The following CAMTA1 variants were observed in gnomAD, a reference collection of about 807,000 sequenced individuals.
The protein encoded by CAMTA1 is calmodulin-binding transcription activator 1.
A neutral mutation model predicts 170.9 loss-of-function variants in CAMTA1; 27 were observed. The ratio of observed to expected loss-of-function variants is 0.16; its 90% CI spans 0.12 to 0.22. The LOEUF (loss-of-function observed/expected upper bound fraction) is 0.22. CAMTA1 is among the 10% of genes least tolerant of loss of function. CAMTA1 has a pLI of 1.00. For missense variants in CAMTA1, 1,619 were observed against 2,217.2 expected, an observed-to-expected ratio of 0.73 and a Z score of 5.42; for synonymous variants, 833 against 891.5, an observed-to-expected ratio of 0.93 and a Z score of 1.17.
chr1:6,915,185 C>T (rs546912534), intron 3 of CAMTA1, among the ~76,000 whole-genome samples: 1 of 152,180 alleles, frequency 6.6e-6, no homozygotes, highest in Non-Finnish European at 1.5e-5. Context: ...TCTACTTTGT[C>T]AGGCAAAAGT....
Position 7,443,406 on chromosome 1 carries a change from A to G in CAMTA1, c.439-24424A>G, listed in dbSNP as rs1448096528. Among the ~76,000 whole-genome samples, 1 of 152,170 alleles carries G rather than the reference A, an allele frequency of 6.6e-6. No homozygotes were observed. The highest frequency in any genetic ancestry group is 1.5e-5 in the Non-Finnish European group (1 of 68,036). ...AAGGTGGCCTTGGGAGCACGTGGAG[A>G]TGATGATAGCCATGTCAGACGACAG... On this transcript the variant is annotated intron_variant, in intron 5 of 22. Transcript: ENST00000303635. The surrounding 1 kb of genome is among the most constrained non-coding windows in gnomAD (Gnocchi z 4.1).
At chr1:7,384,666 AATAGAG>A (rs1316952327) in intron 5 of CAMTA1, among the ~76,000 whole-genome samples, 70 of 152,208 alleles carry the variant, frequency 4.6e-4, no homozygotes, top group Admixed American at 4.6e-3. Flanking sequence ...ATTTAATTAG[AATAGAG>A]ATAGTCAAGT....
At chr1:7,475,346 G>T (rs925668483) in intron 6 of CAMTA1, among the ~76,000 whole-genome samples, 1 of 152,144 alleles carries the variant, frequency 6.6e-6, no homozygotes, top group African/African-American at 2.4e-5. Context: ...TGGCGGGGGG[G>T]ATTAGAGCAA....
At chr1:7,679,393 C>T (rs1374821551) in intron 11 of CAMTA1, among the ~76,000 whole-genome samples, 1 of 152,166 alleles carries the variant, frequency 6.6e-6, no homozygotes, top group African/African-American at 2.4e-5. Context: ...CATCTGCAGG[C>T]CCCCTGGAAA....
intron 3 of CAMTA1, among the ~76,000 whole-genome samples, chr1:6,931,965 G>A (rs1405651732): frequency 1.3e-5 from 2 of 152,172 alleles, no homozygotes; most frequent in African/African-American, 4.8e-5. Flanking sequence ...ACACCTGTAC[G>A]CACTGGTGCC....
intron 5 of CAMTA1, among the ~76,000 whole-genome samples, chr1:7,259,180 T>G (rs1414894084): frequency 1.3e-5 from 2 of 152,134 alleles, no homozygotes; most frequent in Non-Finnish European, 2.9e-5. Context: ...CCTCCCTCAC[T>G]GCAAGGCCGG....
intron 6 of CAMTA1, among the ~76,000 whole-genome samples, chr1:7,566,573 A>G (rs982181624): frequency 1.3e-4 from 20 of 152,034 alleles, no homozygotes; most frequent in Non-Finnish European, 8.8e-5. Flanking sequence ...AGGCAGCCCC[A>G]GCTCCAAGAA....
At chr1:7,145,236 C>A (rs1238398878) in intron 4 of CAMTA1, among the ~76,000 whole-genome samples, 1 of 152,232 alleles carries the variant, frequency 6.6e-6, no homozygotes, top group African/African-American at 2.4e-5. Context: ...GGGAGAGCAT[C>A]TTTCCGCACC....
intron 4 of CAMTA1, among the ~76,000 whole-genome samples, chr1:7,099,039 C>T (rs923548134): frequency 6.6e-6 from 1 of 152,098 alleles, no homozygotes; most frequent in African/African-American, 2.4e-5. Context: ...CTGCCCACCC[C>T]GCCACCCCCA....
intron 3 of CAMTA1, among the ~76,000 whole-genome samples, chr1:6,858,478 G>T (rs1479088035): frequency 2.2e-5 from 2 of 91,662 alleles, no homozygotes; most frequent in Admixed American, 1.4e-4. Flanking sequence ...TGGTGTGTGT[G>T]TGTGTGTTGG....
chr1:6,878,951 A>G (rs945383885), intron 3 of CAMTA1, among the ~76,000 whole-genome samples: 2 of 152,186 alleles, frequency 1.3e-5, no homozygotes, highest in Admixed American at 6.5e-5. Flanking sequence ...TTCATTTTCT[A>G]CTTGGTAGAA....
intron 6 of CAMTA1, among the ~76,000 whole-genome samples, chr1:7,541,908 C>T (rs753114882): frequency 5.3e-5 from 8 of 152,202 alleles, no homozygotes; most frequent in Non-Finnish European, 7.3e-5. Context: ...CAAGATAAGT[C>T]CATGAAGTCA....
rs993259614 is a variant in CAMTA1 at position 7,737,339 on chromosome 1, C to T, written c.3427C>T (p.Leu1143=). 6.2e-7 allele frequency: 1 copy of T among 1,614,136 alleles called. No individual in the cohort carries two copies. Among genetic ancestry groups the T allele is most frequent in the Non-Finnish European group, 8.5e-7 (1 of 1,179,996 alleles). ...DRRAISIPDS[L]GRLPLGIARS... is the part of the protein sequence containing the mutation. ...TCGGGCCATCTCGATTCCCGACTCTCTAGGAAGGCTGCCTTTGGGAATTGC... is the reference window on the plus strand; with the variant it reads ...TCGGGCCATCTCGATTCCCGACTCTTTAGGAAGGCTGCCTTTGGGAATTGC... The change falls in exon 15 of 23, where the codon CTA becomes TTA. Residue 1143 remains leucine, a synonymous_variant. Transcript: ENST00000303635.
intron 6 of CAMTA1, among the ~76,000 whole-genome samples, chr1:7,577,149 C>T (rs11583030): frequency 0.15 from 22,977 of 152,152 alleles, 5,345 homozygotes; most frequent in African/African-American, 0.5. Flanking sequence ...CGTCCTCCCC[C>T]GGAGGCCCAG....
At chr1:7,187,033 A>T (rs1170178608) in intron 4 of CAMTA1, among the ~76,000 whole-genome samples, 1 of 152,072 alleles carries the variant, frequency 6.6e-6, no homozygotes, top group East Asian at 1.9e-4. Flanking sequence ...GTCTGGGAGA[A>T]GGGCTGGAGG....
At chr1:7,653,943 A>C (rs1576618696) in intron 7 of CAMTA1, among the ~76,000 whole-genome samples, 1 of 152,122 alleles carries the variant, frequency 6.6e-6, no homozygotes, top group Non-Finnish European at 1.5e-5. Flanking sequence ...TGGAGCATGC[A>C]TTTGAATTCC....
At chr1:7,413,116 T>C (rs570356276) in intron 5 of CAMTA1, among the ~76,000 whole-genome samples, 146 of 146,724 alleles carry the variant, frequency 1.0e-3, no homozygotes, top group African/African-American at 3.4e-3. Flanking sequence ...TTGATCTATA[T>C]CTCTGTTTTG....
chr1:6,807,919 T>C (rs1644713948), intron 1 of CAMTA1, among the ~76,000 whole-genome samples: 1 of 151,732 alleles, frequency 6.6e-6, no homozygotes, highest in African/African-American at 2.4e-5. Flanking sequence ...CAGATATGGA[T>C]GTAAGTGATT....
At chr1:7,658,139 C>T (rs925030616) in intron 7 of CAMTA1, among the ~76,000 whole-genome samples, 1 of 152,220 alleles carries the variant, frequency 6.6e-6, no homozygotes, top group Admixed American at 6.5e-5. Context: ...GCCCTGAAAA[C>T]AGCTCATCTC....
Sources: allele counts gnomAD v4.1 joint callset (sites outside exome capture counted in the v4.1 genomes callset), GRCh38; gene constraint gnomAD v4.1.1; non-coding constraint Gnocchi (gnomAD v3.1); transcripts MANE v1.5; gene names NCBI Gene and HGNC (gene_info 2026-07-23, HGNC 2026-07-21).